STAU2: variants seen among roughly 807,000 people sequenced by gnomAD.
STAU2 encodes staufen double-stranded RNA binding protein 2, also known as double-stranded RNA-binding protein Staufen homolog 2.
In STAU2, 20 loss-of-function variants were observed where a neutral mutation model predicts 65.9. That is an observed-to-expected ratio of 0.30 (90% CI 0.21 to 0.44). The LOEUF (loss-of-function observed/expected upper bound fraction) is 0.44. STAU2 is among the 20% of genes least tolerant of loss of function. STAU2 has a pLI of 1.00. For synonymous variants in STAU2, 232 were observed against 233.9 expected (o/e 0.99, Z 0.07); for missense variants, 558 against 683.9 (o/e 0.82, Z 2.05).
intron 6 of STAU2, 53 bp downstream of exon 6, chr8:73,673,054 T>C: frequency 5.6e-6 from 8 of 1,436,118 alleles, no homozygotes; most frequent in South Asian, 1.7e-5. Flanking sequence ...GAGAAACTTT[T>C]ATAACATGGA....
chr8:73,730,470 T>A lies in STAU2; in HGVS notation c.-18+7814A>T, dbSNP rs1462664574. 2.0e-5 allele frequency among the ~76,000 whole-genome samples: 3 copies of A among 152,312 alleles called. No homozygotes were observed. In the East Asian group the frequency reaches 5.8e-4, roughly 29 times the overall value. ...GGCAGGGTGCAGTGGCTCACGCCTATAATCCCTGCACTTTGGGAGGCCGAG... is the reference window on the plus strand; with the variant it reads ...GGCAGGGTGCAGTGGCTCACGCCTAAAATCCCTGCACTTTGGGAGGCCGAG... On this transcript the variant is annotated intron_variant, in intron 3 of 14. Transcript: ENST00000524300.
chr8:73,621,833 AAGGTCC>A (rs1449184065), intron 6 of STAU2, among the ~76,000 whole-genome samples: 1 of 152,204 alleles, frequency 6.6e-6, no homozygotes, highest in African/African-American at 2.4e-5. Flanking sequence ...CTGCACGATA[AAGGTCC>A]AGGATTATCA....
intron 12 of STAU2, among the ~76,000 whole-genome samples, chr8:73,569,025 G>A (rs940663594): frequency 5.3e-5 from 8 of 152,128 alleles, no homozygotes; most frequent in African/African-American, 1.7e-4. Flanking sequence ...TCTCACCTGG[G>A]AAGCGCAAGG....
intron 1 of STAU2, among the ~76,000 whole-genome samples, chr8:73,744,070 A>G (rs1198411988): frequency 5.3e-5 from 8 of 152,038 alleles, no homozygotes; most frequent in Admixed American, 4.6e-4. Context: ...CCACCTGGCC[A>G]ATTTTTTTTA....
chr8:73,476,633 C>T (rs1820339496), intron 13 of STAU2, among the ~76,000 whole-genome samples: 1 of 152,188 alleles, frequency 6.6e-6, no homozygotes, highest in East Asian at 1.9e-4. Context: ...TTAAACTAGG[C>T]TTTAAAAACA....
At chr8:73,686,508 C>T (rs1465017394) in intron 5 of STAU2, among the ~76,000 whole-genome samples, 1 of 151,192 alleles carries the variant, frequency 6.6e-6, no homozygotes, top group Non-Finnish European at 1.5e-5. Context: ...CGAGATTGCA[C>T]CACTGCACTC....
chr8:73,517,928 C>G (rs1001903405), intron 13 of STAU2, among the ~76,000 whole-genome samples: 2 of 152,122 alleles, frequency 1.3e-5, no homozygotes, highest in African/African-American at 4.8e-5. Flanking sequence ...ACACAATATT[C>G]AATCTTCCCA....
At chr8:73,446,496 G>T (rs1818473740) in intron 13 of STAU2, among the ~76,000 whole-genome samples, 2 of 152,224 alleles carry the variant, frequency 1.3e-5, no homozygotes. Context: ...CACTGGAAGA[G>T]ACTGTGTGCA....
At chr8:73,629,726 T>C (rs564131454) in intron 6 of STAU2, among the ~76,000 whole-genome samples, 2 of 152,134 alleles carry the variant, frequency 1.3e-5, no homozygotes, top group Admixed American at 6.6e-5. Flanking sequence ...TTTACTGGAA[T>C]TATACAGATG....
intron 13 of STAU2, among the ~76,000 whole-genome samples, chr8:73,546,974 G>C (rs180781829): frequency 1.1e-4 from 16 of 152,252 alleles, no homozygotes; most frequent in Admixed American, 9.8e-4. Context: ...ATTCCAAGTA[G>C]TAGAATTTTC....
At chr8:73,446,240 G>A (rs1170468870) in intron 13 of STAU2, among the ~76,000 whole-genome samples, 10 of 152,218 alleles carry the variant, frequency 6.6e-5, no homozygotes, top group Admixed American at 6.5e-4. Flanking sequence ...AATGATAAAA[G>A]CATAGAGATG....
intron 11 of STAU2, among the ~76,000 whole-genome samples, chr8:73,586,486 T>G (rs2128964955): frequency 6.6e-6 from 1 of 151,934 alleles, no homozygotes; most frequent in Admixed American, 6.6e-5. Flanking sequence ...GAGGGTGAAA[T>G]CCATGTGTCA....
intron 6 of STAU2, among the ~76,000 whole-genome samples, chr8:73,624,129 A>G (rs1813469084): frequency 6.6e-6 from 1 of 152,178 alleles, no homozygotes; most frequent in African/African-American, 2.4e-5. Context: ...AATACGGTAC[A>G]CTAGAATAAA....
At chr8:73,649,869 T>TTATTTATTTATATA (rs71269927) in intron 6 of STAU2, among the ~76,000 whole-genome samples, 1 of 71,656 alleles carries the variant, frequency 1.4e-5, no homozygotes, top group Non-Finnish European at 2.6e-5. Context: ...CTATATAATT[T>TTATTTATTTATATA]TATATATATA....
At position 73,595,302 on chromosome 8, in the gene STAU2, T is replaced by C. The variant is rs1396567831; in HGVS notation, c.1030-5A>G. 3.8e-6 allele frequency: 6 copies of C among 1,581,660 alleles called. No individual in the cohort carries two copies. Among genetic ancestry groups the C allele is most frequent in the Non-Finnish European group, 4.3e-6 (5 of 1,169,702 alleles). On this transcript the variant is annotated splice_region_variant and splice_polypyrimidine_tract_variant and intron_variant, in intron 10 of 14. Transcript: ENST00000524300. ...AACTTCATTGCCTACCTTCACCTGA[T>C]AAGATTAAAGAAATAAATTAAAGAA...
chr8:73,725,877 G>T (rs1439381243), intron 3 of STAU2, among the ~76,000 whole-genome samples: 1 of 152,156 alleles, frequency 6.6e-6, no homozygotes, highest in African/African-American at 2.4e-5. Context: ...AGGCTGCAGT[G>T]AGCCATCATC....
intron 4 of STAU2, among the ~76,000 whole-genome samples, chr8:73,703,143 C>T (rs56343469): frequency 0.28 from 41,943 of 151,960 alleles, 6,299 homozygotes; most frequent in East Asian, 0.46. Flanking sequence ...ATTGTAATCC[C>T]CAATGTTGGA....
intron 13 of STAU2, chr8:73,440,663 C>T (rs1437399453): frequency 6.6e-6 from 1 of 152,214 alleles, no homozygotes; most frequent in African/African-American, 2.4e-5. Context: ...TGTGTGCATC[C>T]CTGTGTGCAT....
chr8:73,727,049 G>T (rs1399826593), intron 3 of STAU2, among the ~76,000 whole-genome samples: 1 of 152,076 alleles, frequency 6.6e-6, no homozygotes, highest in East Asian at 1.9e-4. Flanking sequence ...GGCCAACATG[G>T]TGAAACCCCG....
Sources: allele counts gnomAD v4.1 joint callset (sites outside exome capture counted in the v4.1 genomes callset), GRCh38; gene constraint gnomAD v4.1.1; transcripts MANE v1.5; gene names NCBI Gene and HGNC (gene_info 2026-07-23, HGNC 2026-07-21).